ATF2: variants seen among roughly 807,000 people sequenced by gnomAD.
ATF2 encodes the protein activating transcription factor 2, also known as cyclic AMP-dependent transcription factor ATF-2.
In ATF2, 24 loss-of-function variants were observed where a neutral mutation model predicts 60.6. That is an observed-to-expected ratio of 0.40 (90% CI 0.29 to 0.56). The LOEUF (loss-of-function observed/expected upper bound fraction) is 0.56. ATF2 is among the 20% of genes least tolerant of loss of function. The probability of loss-of-function intolerance (pLI) is 0.54; values close to 1 mark genes in which losing one functional copy is unlikely to be tolerated. For synonymous variants in ATF2, 206 were observed against 215.4 expected, an observed-to-expected ratio of 0.96 and a Z score of 0.38; for missense variants, 433 against 607.7, an observed-to-expected ratio of 0.71 and a Z score of 3.02.
chr2:175,084,102 A>T (rs1265547255), intron 12 of ATF2, among the ~76,000 whole-genome samples: 2 of 152,188 alleles, frequency 1.3e-5, no homozygotes, highest in Non-Finnish European at 2.9e-5. Flanking sequence ...TCAGGGATCT[A>T]GAACTAGAAA....
intron 5 of ATF2, among the ~76,000 whole-genome samples, chr2:175,118,821 C>G (rs1217169419): frequency 6.6e-6 from 1 of 150,582 alleles, no homozygotes; most frequent in Non-Finnish European, 1.5e-5. Context: ...ATTATGAAAG[C>G]AAACTAAGAT....
chr2:175,117,518 C>G (rs1372565571), intron 7 of ATF2, among the ~76,000 whole-genome samples: 1 of 151,890 alleles, frequency 6.6e-6, no homozygotes, highest in Non-Finnish European at 1.5e-5. Context: ...AACTGTAGCC[C>G]AGGTGGTCCC....
chr2:175,093,222 G>A lies in ATF2; in HGVS notation c.1024C>T (p.Arg342Cys), dbSNP rs1225743969. The change falls in exon 12 of 14, where the codon CGT (arginine) becomes TGT (cysteine). Residue 342 changes from arginine to cysteine, a missense_variant. Arg to Cys is a radical substitution (Grantham distance 180). Coordinates refer to ENST00000264110, the MANE Select transcript of ATF2 (RefSeq NM_001880.4). ...TCTTCGTTAGCTGCTCTTCTCCGAC[G>A]ACCACTTGTACTTTGGGTCTGTGGA... ...TTPQTQSTSGRRRRAANEDPD... is the reference protein window; with the variant it reads ...TTPQTQSTSGCRRRAANEDPD... The A allele has an allele frequency of 6.2e-7, 1 of 1,613,964 alleles. No homozygotes were observed. Among genetic ancestry groups the A allele is most frequent in the Non-Finnish European group, 8.5e-7 (1 of 1,180,002 alleles).
intron 1 of ATF2, 36 bp downstream of exon 1, chr2:175,168,014 C>T (rs1700487972): frequency 1.0e-5 from 3 of 300,430 alleles, no homozygotes; most frequent in Non-Finnish European, 2.1e-5. Flanking sequence ...TCCCTACAGT[C>T]TCCAGCCCTG....
At chr2:175,111,506 A>G in intron 10 of ATF2, 62 bp downstream of exon 10, 1 of 1,397,690 alleles carries the variant, frequency 7.2e-7, no homozygotes, top group Admixed American at 1.8e-5. Context: ...AGCAGGCTTT[A>G]GTGAAAACAT....
At chr2:175,100,844 A>G (rs538387065) in intron 10 of ATF2, among the ~76,000 whole-genome samples, 10 of 152,266 alleles carry the variant, frequency 6.6e-5, no homozygotes, top group Middle Eastern at 6.8e-3. Context: ...ATTCCAGCCA[A>G]TGGAAACTGG....
intron 2 of ATF2, among the ~76,000 whole-genome samples, chr2:175,143,650 G>T (rs769114236): frequency 3.9e-5 from 6 of 152,092 alleles, no homozygotes; most frequent in Non-Finnish European, 8.8e-5. Flanking sequence ...AACACAAACA[G>T]TGGATATCAT....
In ATF2 at chr2:175,074,436, C is replaced by T. The variant is rs372417393; in HGVS notation, c.*173G>A. The T allele has an allele frequency of 5.1e-5, 33 of 640,972 alleles. No individual in the cohort carries two copies. In the South Asian group the frequency reaches 1.0e-3, roughly 20 times the overall value. 39.7% of individuals were successfully genotyped at this position (640,972 alleles called of 1,614,324 possible). ...CAGTCTTTTTCCAGAGACTAAAAAC[C>T]GTTTTTCAGTCTGATCAACTGCTGC... On this transcript the variant is annotated 3_prime_UTR_variant, in exon 14 of 14. Coordinates refer to ENST00000264110, the MANE Select transcript of ATF2 (RefSeq NM_001880.4).
In ATF2 at chr2:175,121,046, G is replaced by A. The variant is rs994739335; in HGVS notation, c.199+398C>T. On this transcript the variant is annotated intron_variant, in intron 5 of 13. Transcript: ENST00000264110. ...ACTCTAATGAACAAGTCTGCTCACT[G>A]TTCTTTCTCCAATGGGAGAAGCTTG... Among the ~76,000 whole-genome samples the A allele has an allele frequency of 1.1e-4, 17 of 151,764 alleles. 1 individual carries two copies. Among genetic ancestry groups the A allele is most frequent in the Non-Finnish European group, 2.5e-4 (17 of 67,752 alleles).
chr2:175,120,342 A>C (rs531056885), intron 5 of ATF2, among the ~76,000 whole-genome samples: 1 of 151,600 alleles, frequency 6.6e-6, no homozygotes, highest in Non-Finnish European at 1.5e-5. Flanking sequence ...TAAGTAACAT[A>C]TCTCTAAGTT....
At chr2:175,167,627 C>A (rs745688315) in intron 1 of ATF2, 2 of 491,940 alleles carry the variant, frequency 4.1e-6, no homozygotes, top group Non-Finnish European at 8.4e-6. Context: ...CCCGCCCAAC[C>A]CAAGGACTGT....
intron 5 of ATF2, among the ~76,000 whole-genome samples, chr2:175,120,466 T>C (rs927740424): frequency 1.3e-5 from 2 of 151,676 alleles, no homozygotes; most frequent in African/African-American, 4.8e-5. Flanking sequence ...AAAATTTCAA[T>C]ACTGTAAGTA....
chr2:175,072,718 AATG>A lies in ATF2; in HGVS notation c.*1888_*1890del, dbSNP rs1267454479. ...TGCCTTTGAGATAACTCCTTAGAAT[AATG>A]ATATCAAAATCATGATTTGAAAAAC... On this transcript the variant is annotated 3_prime_UTR_variant, in exon 14 of 14. Coordinates refer to ENST00000264110, the MANE Select transcript of ATF2 (RefSeq NM_001880.4). The A allele has an allele frequency of 1.3e-5, 2 of 152,186 alleles. No homozygotes were observed. Among genetic ancestry groups the A allele is most frequent in the African/African-American group, 2.4e-5 (1 of 41,450 alleles). The allele number at this position is 152,186 out of a possible 1,614,324, so 9.4% of individuals were successfully genotyped here.
chr2:175,152,349 A>T (rs769725731), intron 1 of ATF2, among the ~76,000 whole-genome samples: 1 of 152,228 alleles, frequency 6.6e-6, no homozygotes, highest in Admixed American at 6.5e-5. Flanking sequence ...GCAAAGAAAC[A>T]ACCTAAATTG....
intron 2 of ATF2, among the ~76,000 whole-genome samples, chr2:175,142,126 T>A (rs571197082): frequency 5.3e-5 from 8 of 152,168 alleles, no homozygotes; most frequent in Admixed American, 1.3e-4. Context: ...TTGCTTGATG[T>A]TCTGCTGCAG....
intron 1 of ATF2, among the ~76,000 whole-genome samples, chr2:175,160,362 G>T (rs1272885723): frequency 6.6e-6 from 1 of 152,134 alleles, no homozygotes; most frequent in African/African-American, 2.4e-5. Flanking sequence ...TCCAGCCTGG[G>T]TGATAGAGAC....
chr2:175,156,833 A>C (rs962843650), intron 1 of ATF2, among the ~76,000 whole-genome samples: 1 of 152,176 alleles, frequency 6.6e-6, no homozygotes, highest in African/African-American at 2.4e-5. Context: ...TGAGACAATA[A>C]ATCTTTATTG....
intron 7 of ATF2, among the ~76,000 whole-genome samples, chr2:175,115,077 C>T (rs959998796): frequency 6.4e-5 from 9 of 140,582 alleles, no homozygotes; most frequent in African/African-American, 2.4e-4. Context: ...TAAAAAGACT[C>T]GTTTTTTTTT....
intron 1 of ATF2, among the ~76,000 whole-genome samples, chr2:175,155,456 T>G (rs1271319253): frequency 6.6e-6 from 1 of 152,216 alleles, no homozygotes; most frequent in Non-Finnish European, 1.5e-5. Flanking sequence ...TGTTTAGGAA[T>G]TCAGATATAC....
Sources: allele counts gnomAD v4.1 joint callset (sites outside exome capture counted in the v4.1 genomes callset), GRCh38; gene constraint gnomAD v4.1.1; transcripts MANE v1.5; gene names NCBI Gene and HGNC (gene_info 2026-07-23, HGNC 2026-07-21).